Variants in HPSE2 observed in about 807,000 individuals in gnomAD.
HPSE2 encodes heparanase 2 (inactive).
Under a neutral mutation model 60.5 loss-of-function variants are expected in HPSE2, and 38 were observed. That is an observed-to-expected ratio of 0.63 (90% CI 0.48 to 0.82). The LOEUF is 0.82. Ranked by LOEUF, HPSE2 falls within the 40% of genes least tolerant of loss-of-function variation. HPSE2 has a pLI of 0.00. For synonymous variants in HPSE2, 295 were observed against 293.2 expected, an observed-to-expected ratio of 1.01 and a Z score of -0.06; for missense variants, 713 against 740.4, an observed-to-expected ratio of 0.96 and a Z score of 0.43.
chr10:98,603,742 G>A (rs1945500601), intron 9 of HPSE2, among the ~76,000 whole-genome samples: 2 of 152,032 alleles, frequency 1.3e-5, no homozygotes, highest in Admixed American at 1.3e-4. Context: ...TTCTTAGCAA[G>A]TTCTGCCCTC....
At chr10:98,573,651 G>A (rs573289370) in intron 9 of HPSE2, among the ~76,000 whole-genome samples, 186 of 152,150 alleles carry the variant, frequency 1.2e-3, no homozygotes, top group Non-Finnish European at 1.7e-3. Context: ...TTTTCACCTC[G>A]CACTTTTTCA....
At chr10:98,912,479 A>G (rs1387309610) in intron 3 of HPSE2, among the ~76,000 whole-genome samples, 2 of 152,252 alleles carry the variant, frequency 1.3e-5, no homozygotes. Context: ...TATATCAAAG[A>G]GCTATCTGCA....
At chr10:98,859,113 T>C (rs1384375392) in intron 3 of HPSE2, among the ~76,000 whole-genome samples, 1 of 152,178 alleles carries the variant, frequency 6.6e-6, no homozygotes, top group Non-Finnish European at 1.5e-5. Flanking sequence ...AAATTTTGTT[T>C]TTCATAGAGA....
intron 3 of HPSE2, among the ~76,000 whole-genome samples, chr10:98,986,954 G>C (rs2487881): frequency 0.98 from 149,163 of 152,272 alleles, 73,130 homozygotes; most frequent in East Asian, 1. Context: ...AAGAAGCTGA[G>C]TCTCTGAACA....
Position 98,734,786 on chromosome 10 carries a change from CT to C in HPSE2, c.784+9096del, listed in dbSNP as rs140048696. On this transcript the variant is annotated intron_variant, in intron 4 of 11. Coordinates refer to ENST00000370552, the MANE Select transcript of HPSE2 (RefSeq NM_021828.5). ...AAGTAGGTCTTCATCATGACTCACA[CT>C]TTTTTTTTAATTGATAAACTTTATT... Among the ~76,000 whole-genome samples the C allele has an allele frequency of 9.3e-3, 1,408 of 150,806 alleles. 27 individuals carry two copies. Among genetic ancestry groups the C allele is most frequent in the African/African-American group, 0.03 (1,246 of 41,082 alleles).
intron 3 of HPSE2, among the ~76,000 whole-genome samples, chr10:98,823,752 A>G (rs1951477746): frequency 6.6e-6 from 1 of 152,250 alleles, no homozygotes; most frequent in Non-Finnish European, 1.5e-5. Context: ...AAAAGAAAAC[A>G]GCATACATAA....
intron 3 of HPSE2, among the ~76,000 whole-genome samples, chr10:98,926,002 G>C (rs1014050037): frequency 6.6e-6 from 1 of 151,978 alleles, no homozygotes; most frequent in African/African-American, 2.4e-5. Context: ...AATATTTAGA[G>C]TTTTTAGTTA....
At chr10:99,092,105 T>G (rs1437444729) in intron 3 of HPSE2, among the ~76,000 whole-genome samples, 1 of 152,190 alleles carries the variant, frequency 6.6e-6, no homozygotes, top group Non-Finnish European at 1.5e-5. Context: ...AACCACATTC[T>G]ATATTCATCT....
In HPSE2 at chr10:98,685,276, A is replaced by G. The variant is rs188464737; in HGVS notation, c.1004+8624T>C. ...TATTTATGGTTCTTTTTCTTATGCA[A>G]TTTTACATATGATGAGATACATGAA... On this transcript the variant is annotated intron_variant, in intron 6 of 11. Transcript: ENST00000370552. Among the ~76,000 whole-genome samples the G allele has an allele frequency of 8.3e-4, 127 of 152,250 alleles. No homozygotes were observed. The East Asian group carries it at 0.023, about 28-fold the overall frequency.
At chr10:98,987,465 C>T (rs1473434049) in intron 3 of HPSE2, among the ~76,000 whole-genome samples, 5 of 151,856 alleles carry the variant, frequency 3.3e-5, no homozygotes, top group Admixed American at 3.3e-4. Context: ...GCTAAAAACT[C>T]TCAAATTAGG....
intron 3 of HPSE2, among the ~76,000 whole-genome samples, chr10:98,973,193 C>A (rs1053351242): frequency 6.6e-6 from 1 of 152,174 alleles, no homozygotes; most frequent in South Asian, 2.1e-4. Context: ...GCTTATTAAG[C>A]CTTCCATCAA....
intron 2 of HPSE2, among the ~76,000 whole-genome samples, chr10:99,145,195 G>A (rs994942141): frequency 6.6e-5 from 10 of 152,102 alleles, no homozygotes; most frequent in Non-Finnish European, 1.3e-4. Flanking sequence ...GGTGGCTCAC[G>A]CCTGTAATCC....
At chr10:98,505,092 A>G (rs971358382) in intron 9 of HPSE2, among the ~76,000 whole-genome samples, 2 of 152,128 alleles carry the variant, frequency 1.3e-5, no homozygotes, top group African/African-American at 2.4e-5. Context: ...TTATTTATCT[A>G]TTCTCCTACT....
intron 9 of HPSE2, among the ~76,000 whole-genome samples, chr10:98,514,971 G>A (rs1004870321): frequency 5.7e-4 from 87 of 151,926 alleles, no homozygotes; most frequent in Non-Finnish European, 1.0e-3. Flanking sequence ...CAATCCGCCC[G>A]CCTCGGCCTC....
At chr10:99,084,199 C>T (rs1026422952) in intron 3 of HPSE2, among the ~76,000 whole-genome samples, 12 of 152,014 alleles carry the variant, frequency 7.9e-5, no homozygotes, top group African/African-American at 2.9e-4. Flanking sequence ...GGCAGAGTAA[C>T]GCAGAACGTC....
intron 3 of HPSE2, among the ~76,000 whole-genome samples, chr10:98,843,900 T>TA (rs1373401247): frequency 6.6e-6 from 1 of 152,210 alleles, no homozygotes; most frequent in Non-Finnish European, 1.5e-5. Context: ...ATCTTCCATT[T>TA]AAAAAAACTT....
chr10:98,717,169 C>A (rs72840593), intron 5 of HPSE2, among the ~76,000 whole-genome samples: 2,296 of 152,144 alleles, frequency 0.015, 33 homozygotes, highest in African/African-American at 0.03. Context: ...AGCTTCCTCA[C>A]CTCTCTCAGC....
intron 9 of HPSE2, among the ~76,000 whole-genome samples, chr10:98,515,906 C>T (rs930908000): frequency 1.3e-5 from 2 of 152,168 alleles, no homozygotes; most frequent in Non-Finnish European, 2.9e-5. Context: ...ATCAATTCCT[C>T]CCTCTCCCCA....
At position 98,924,292 on chromosome 10, in the gene HPSE2, C is replaced by T. The variant is rs140418544; in HGVS notation, c.611-180236G>A. 4.7e-3 allele frequency among the ~76,000 whole-genome samples: 719 copies of T among 152,300 alleles called. 4 individuals carry two copies. The highest frequency in any genetic ancestry group is 0.017 in the African/African-American group (696 of 41,572). ...GTGATGCAATCACCCCTGTGGCCAC[C>T]ACCACTGGGACTGTGCTGGGTCAGA... On this transcript the variant is annotated intron_variant, in intron 3 of 11. Transcript: ENST00000370552.
Sources: allele counts gnomAD v4.1 joint callset (sites outside exome capture counted in the v4.1 genomes callset), GRCh38; gene constraint gnomAD v4.1.1; transcripts MANE v1.5; gene names NCBI Gene and HGNC (gene_info 2026-07-23, HGNC 2026-07-21).